The following NOS1AP variants were observed in gnomAD, a reference collection of about 807,000 sequenced individuals.
NOS1AP encodes the protein nitric oxide synthase 1 adaptor protein.
In NOS1AP, 21 loss-of-function variants were observed where a neutral mutation model predicts 56.2. The observed-to-expected ratio is 0.37, with a 90% CI of 0.26 to 0.54. The LOEUF is 0.54. Among genes scored for constraint, NOS1AP ranks in the 20% least tolerant of loss-of-function variants. The probability of loss-of-function intolerance (pLI) is 0.84; values close to 1 mark genes in which losing one functional copy is unlikely to be tolerated. For synonymous variants in NOS1AP, 270 were observed against 274.6 expected (o/e 0.98, Z 0.17); for missense variants, 522 against 657.8 (o/e 0.79, Z 2.26).
rs547220147 is a variant in NOS1AP, at chr1:162,364,913, A to G, written c.940-491A>G. On this transcript the variant is annotated intron_variant, in intron 8 of 9. Coordinates refer to ENST00000361897, the MANE Select transcript of NOS1AP (RefSeq NM_014697.3). ...AAGATTATATGGGCTTCGTTGTGAC[A>G]CTGTTCTTAGCCAGTGGGTCAATAG... 4.1e-5 allele frequency: 41 copies of G among 1,005,662 alleles called. No individual in the cohort carries two copies. The Admixed American group carries it at 4.7e-4, about 12-fold the overall frequency. The allele number at this position is 1,005,662 out of a possible 1,614,324, so 62.3% of individuals were successfully genotyped here.
At chr1:162,075,362 A>G (rs1158295812) in intron 1 of NOS1AP, among the ~76,000 whole-genome samples, 1 of 152,128 alleles carries the variant, frequency 6.6e-6, no homozygotes, top group Non-Finnish European at 1.5e-5. Context: ...CTCTGGCTAT[A>G]TTTCCTTCCT....
chr1:162,264,900 G>A (rs142862569), intron 2 of NOS1AP, among the ~76,000 whole-genome samples: 46 of 143,638 alleles, frequency 3.2e-4, no homozygotes, highest in African/African-American at 1.1e-3. Flanking sequence ...TGCAACTTCC[G>A]CCTCCTAGGC....
chr1:162,157,719 G>A (rs957156401), intron 2 of NOS1AP, among the ~76,000 whole-genome samples: 5 of 152,210 alleles, frequency 3.3e-5, no homozygotes, highest in African/African-American at 1.2e-4. Flanking sequence ...GGGCAGTGAA[G>A]ATCATCTGTT....
chr1:162,230,670 A>C (rs1161474227), intron 2 of NOS1AP, among the ~76,000 whole-genome samples: 1 of 152,160 alleles, frequency 6.6e-6, no homozygotes, highest in African/African-American at 2.4e-5. Flanking sequence ...TCCCTGCAAC[A>C]CCAGTTAACC....
chr1:162,297,181 G>C (rs1455800635), intron 3 of NOS1AP, among the ~76,000 whole-genome samples: 2 of 152,214 alleles, frequency 1.3e-5, no homozygotes, highest in Non-Finnish European at 2.9e-5. Flanking sequence ...AAGGGAACAG[G>C]ACATGTGGCT....
At chr1:162,338,032 C>T (rs1252585876) in intron 5 of NOS1AP, among the ~76,000 whole-genome samples, 1 of 152,092 alleles carries the variant, frequency 6.6e-6, no homozygotes, top group African/African-American at 2.4e-5. Context: ...TTCCCCCCAA[C>T]CCAAAAAAAT....
intron 2 of NOS1AP, among the ~76,000 whole-genome samples, chr1:162,235,868 G>T (rs1653274156): frequency 6.6e-6 from 1 of 152,206 alleles, no homozygotes; most frequent in African/African-American, 2.4e-5. Flanking sequence ...GCTGATACTT[G>T]TCGCATCAGT....
intron 1 of NOS1AP, among the ~76,000 whole-genome samples, chr1:162,131,905 G>A (rs965908182): frequency 2.0e-5 from 3 of 152,156 alleles, no homozygotes; most frequent in Non-Finnish European, 2.9e-5. Flanking sequence ...TAATCTTTAG[G>A]CCTCTTAACT....
At chr1:162,316,505 C>A (rs347291) in intron 4 of NOS1AP, among the ~76,000 whole-genome samples, 130,095 of 152,154 alleles carry the variant, frequency 0.86, 57,673 homozygotes, top group Middle Eastern at 0.98. Flanking sequence ...ATTATCTTTT[C>A]TCGTGGATTA....
intron 2 of NOS1AP, among the ~76,000 whole-genome samples, chr1:162,162,712 A>G: frequency 6.6e-6 from 1 of 152,162 alleles, no homozygotes; most frequent in East Asian, 1.9e-4. Flanking sequence ...TAAACCCTGT[A>G]AGTAATTTCT....
At chr1:162,305,832 G>T (rs1302885083) in intron 4 of NOS1AP, among the ~76,000 whole-genome samples, 1 of 152,136 alleles carries the variant, frequency 6.6e-6, no homozygotes, top group Non-Finnish European at 1.5e-5. Flanking sequence ...AACTCCTCGG[G>T]ATAATAACAG....
At chr1:162,342,573 G>T (rs765260743) in intron 5 of NOS1AP, 1 of 490,558 alleles carries the variant, frequency 2.0e-6, no homozygotes. Context: ...TGAGCTCATT[G>T]TAATATGAGC....
intron 1 of NOS1AP, among the ~76,000 whole-genome samples, chr1:162,101,802 CTT>C (rs1342423660): frequency 1.3e-5 from 2 of 152,106 alleles, no homozygotes; most frequent in African/African-American, 4.8e-5. Context: ...TATCCTGAGA[CTT>C]TGCTGAAGTT....
At chr1:162,232,612 G>C (rs1358066405) in intron 2 of NOS1AP, among the ~76,000 whole-genome samples, 3 of 151,904 alleles carry the variant, frequency 2.0e-5, no homozygotes, top group African/African-American at 7.3e-5. Flanking sequence ...AAGACAGCTT[G>C]CCCATTCTGT....
At position 162,365,447 on chromosome 1, in the gene NOS1AP, G is replaced by A; in HGVS notation, c.983G>A (p.Arg328Gln). 4 of 1,614,070 alleles carry A rather than the reference G, an allele frequency of 2.5e-6. No homozygotes were observed. The highest frequency in any genetic ancestry group is 3.4e-6 in the Non-Finnish European group (4 of 1,180,050). The change falls in exon 9 of 10, where the codon CGG becomes CAG. Residue 328 changes from arginine to glutamine, a missense_variant. Transcript: ENST00000361897. ...KDQLAAEAAA[R>Q]LEAQARVHQL... ...CAGTTGGCTGCTGAGGCTGCGGCGC[G>A]GCTGGAGGCCCAGGCTCGCGTGCAT...
At chr1:162,282,741 T>C (rs1030345541) in intron 2 of NOS1AP, among the ~76,000 whole-genome samples, 3 of 152,196 alleles carry the variant, frequency 2.0e-5, no homozygotes, top group African/African-American at 7.2e-5. Context: ...TTTCCTGTGA[T>C]CATTTGCAAG....
intron 2 of NOS1AP, among the ~76,000 whole-genome samples, chr1:162,248,976 A>G (rs567563703): frequency 1.1e-4 from 17 of 152,116 alleles, no homozygotes; most frequent in African/African-American, 3.9e-4. Context: ...AACAGTTTCT[A>G]TGGTAACAGC....
chr1:162,217,832 A>G (rs1177127378), intron 2 of NOS1AP, among the ~76,000 whole-genome samples: 3 of 152,172 alleles, frequency 2.0e-5, no homozygotes, highest in Non-Finnish European at 4.4e-5. Context: ...TATGACCGAG[A>G]CTGGAGATGG....
At chr1:162,252,423 C>T (rs1319387953) in intron 2 of NOS1AP, among the ~76,000 whole-genome samples, 1 of 152,096 alleles carries the variant, frequency 6.6e-6, no homozygotes, top group Non-Finnish European at 1.5e-5. Flanking sequence ...CTTGGGCATG[C>T]ACAGTTATCT....
Sources: gnomAD v4.1 joint callset for allele counts (sites outside exome capture counted in the v4.1 genomes callset) on GRCh38, gnomAD v4.1.1 for gene constraint, MANE v1.5 for transcripts, NCBI Gene and HGNC (gene_info 2026-07-23, HGNC 2026-07-21) for gene names.